The following CNTNAP2 variants were observed in gnomAD, a reference collection of about 807,000 sequenced individuals.
CNTNAP2 encodes the protein contactin-associated protein-like 2.
In CNTNAP2, 98 loss-of-function variants were observed where a neutral mutation model predicts 155.2. The observed-to-expected ratio is 0.63, with a 90% CI of 0.54 to 0.75. The LOEUF (loss-of-function observed/expected upper bound fraction) is 0.75. Ranked by LOEUF, CNTNAP2 falls within the 30% of genes least tolerant of loss-of-function variation. The probability of loss-of-function intolerance (pLI) is 0.00; values close to 1 mark genes in which losing one functional copy is unlikely to be tolerated. For missense variants in CNTNAP2, 1,727 were observed against 1,688.1 expected, an observed-to-expected ratio of 1.02 and a Z score of -0.40; for synonymous variants, 651 against 631.2, an observed-to-expected ratio of 1.03 and a Z score of -0.47.
intron 10 of CNTNAP2, among the ~76,000 whole-genome samples, chr7:147,397,108 T>C (rs988672989): frequency 6.6e-6 from 1 of 152,076 alleles, no homozygotes; most frequent in Non-Finnish European, 1.5e-5. Context: ...CTATAAAGCC[T>C]TCACATGTTT....
chr7:147,145,041 GA>G (rs1320532026), intron 8 of CNTNAP2, among the ~76,000 whole-genome samples: 2 of 152,198 alleles, frequency 1.3e-5, no homozygotes, highest in Non-Finnish European at 2.9e-5. Context: ...AAGATGATAT[GA>G]CATTAGACAA....
intron 3 of CNTNAP2, among the ~76,000 whole-genome samples, chr7:146,945,860 A>G (rs145058234): frequency 1.3e-5 from 2 of 152,204 alleles, no homozygotes; most frequent in Non-Finnish European, 2.9e-5. Context: ...AAAGAGTACA[A>G]TGATCATTTT....
chr7:146,276,918 C>T (rs1800174176), intron 1 of CNTNAP2, among the ~76,000 whole-genome samples: 2 of 152,136 alleles, frequency 1.3e-5, no homozygotes. Context: ...GGTGGCCCCC[C>T]AAAAGACATC....
chr7:147,993,428 G>A (rs1435696985), intron 15 of CNTNAP2, among the ~76,000 whole-genome samples: 1 of 152,204 alleles, frequency 6.6e-6, no homozygotes, highest in East Asian at 1.9e-4. Flanking sequence ...CAGATAGATA[G>A]ATGCTCCAAA....
At chr7:148,036,436 TC>T (rs1455444837) in intron 15 of CNTNAP2, among the ~76,000 whole-genome samples, 1 of 152,100 alleles carries the variant, frequency 6.6e-6, no homozygotes, top group African/African-American at 2.4e-5. Flanking sequence ...AGAAGTGGGC[TC>T]ATGGTTTCTG....
chr7:147,279,570 G>C (rs1021615652), intron 8 of CNTNAP2, among the ~76,000 whole-genome samples: 1 of 151,716 alleles, frequency 6.6e-6, no homozygotes, highest in Non-Finnish European at 1.5e-5. Context: ...GACATAGTAA[G>C]AGCTAAATTA....
intron 3 of CNTNAP2, among the ~76,000 whole-genome samples, chr7:146,935,941 T>A (rs1006642563): frequency 2.0e-5 from 3 of 152,216 alleles, no homozygotes; most frequent in Admixed American, 1.3e-4. Context: ...GAAGTCTCCC[T>A]GGTGTGCTGT....
At chr7:147,203,217 AG>A (rs988563729) in intron 8 of CNTNAP2, among the ~76,000 whole-genome samples, 1 of 152,086 alleles carries the variant, frequency 6.6e-6, no homozygotes, top group African/African-American at 2.4e-5. Flanking sequence ...TTTGTAACTG[AG>A]GGGGGAACAC....
chr7:147,731,922 CAGG>C (rs952125271), intron 13 of CNTNAP2, among the ~76,000 whole-genome samples: 20 of 152,074 alleles, frequency 1.3e-4, no homozygotes, highest in Non-Finnish European at 2.4e-4. Context: ...GTAGAAATAA[CAGG>C]AGAAGTAGAA....
chr7:147,477,969 C>A (rs551395434), intron 10 of CNTNAP2, among the ~76,000 whole-genome samples: 2 of 152,142 alleles, frequency 1.3e-5, no homozygotes, highest in Non-Finnish European at 1.5e-5. Context: ...CATTTAACAT[C>A]TATCAGTTCA....
intron 1 of CNTNAP2, among the ~76,000 whole-genome samples, chr7:146,566,156 C>T (rs1798354101): frequency 6.6e-6 from 1 of 152,168 alleles, no homozygotes; most frequent in Admixed American, 6.5e-5. Flanking sequence ...TGCTGCAGTC[C>T]TTGAACTAGC....
intron 3 of CNTNAP2, among the ~76,000 whole-genome samples, chr7:146,883,647 C>T (rs1307370784): frequency 6.6e-6 from 1 of 152,146 alleles, no homozygotes; most frequent in Non-Finnish European, 1.5e-5. Context: ...AGCCAATACA[C>T]ACACATTATC....
intron 13 of CNTNAP2, among the ~76,000 whole-genome samples, chr7:147,886,461 G>A (rs1799599618): frequency 8.3e-6 from 1 of 120,440 alleles, no homozygotes; most frequent in African/African-American, 3.7e-5. Context: ...GGCAACAAGA[G>A]GGAAACTCCA....
intron 4 of CNTNAP2, among the ~76,000 whole-genome samples, chr7:147,094,676 GATT>G (rs915021060): frequency 2.6e-5 from 4 of 151,910 alleles, no homozygotes; most frequent in East Asian, 1.9e-4. Flanking sequence ...AAAGTGCTGG[GATT>G]ATTATTATTA....
At chr7:148,400,108 G>A (rs760263645) in intron 22 of CNTNAP2, among the ~76,000 whole-genome samples, 1 of 152,116 alleles carries the variant, frequency 6.6e-6, no homozygotes, top group Admixed American at 6.6e-5. Flanking sequence ...TCCCCCAAAG[G>A]CATCTCAGAC....
intron 1 of CNTNAP2, among the ~76,000 whole-genome samples, chr7:146,407,287 A>G (rs1795806056): frequency 6.6e-6 from 1 of 152,178 alleles, no homozygotes. Flanking sequence ...TCAGTTAAAT[A>G]TGGTGAAGTA....
intron 1 of CNTNAP2, among the ~76,000 whole-genome samples, chr7:146,413,931 A>G (rs1795901822): frequency 6.6e-6 from 1 of 152,178 alleles, no homozygotes; most frequent in Non-Finnish European, 1.5e-5. Flanking sequence ...GAATTAGAGT[A>G]TTAACGACCT....
At chr7:148,099,111 G>T (rs991416684) in intron 15 of CNTNAP2, among the ~76,000 whole-genome samples, 1 of 152,130 alleles carries the variant, frequency 6.6e-6, no homozygotes, top group Non-Finnish European at 1.5e-5. Context: ...TTGTGGAAGC[G>T]ACGAAACCCA....
At chr7:146,185,915 G>A (rs1568939) in intron 1 of CNTNAP2, among the ~76,000 whole-genome samples, 2,321 of 152,066 alleles carry the variant, frequency 0.015, 50 homozygotes, top group African/African-American at 0.052. Context: ...AAATTTTTAA[G>A]ATAAAAGTCA....
Sources: allele counts gnomAD v4.1 joint callset (sites outside exome capture counted in the v4.1 genomes callset), GRCh38; gene constraint gnomAD v4.1.1; transcripts MANE v1.5; gene names NCBI Gene and HGNC (gene_info 2026-07-23, HGNC 2026-07-21).